The following TMED6 variants were observed in gnomAD, a reference collection of about 807,000 sequenced individuals.
The protein encoded by TMED6 is transmembrane emp24 domain-containing protein 6.
In TMED6, 17 loss-of-function variants were observed where a neutral mutation model predicts 26.5. The ratio of observed to expected loss-of-function variants is 0.64; its 90% CI spans 0.44 to 0.96. The LOEUF is 0.96. Among genes scored for constraint, TMED6 ranks in the 40% least tolerant of loss-of-function variants. TMED6 has a pLI of 0.00. For missense variants in TMED6, 309 were observed against 296.5 expected (o/e 1.04, Z -0.31); for synonymous variants, 107 against 106.2 (o/e 1.01, Z -0.04).
chr16:69,345,640 A>C (rs1019931316), intron 3 of TMED6, among the ~76,000 whole-genome samples: 1 of 136,582 alleles, frequency 7.3e-6, no homozygotes, highest in Non-Finnish European at 1.6e-5. Context: ...CCGAGATCAC[A>C]CCACTGCACT....
Position 69,349,646 on chromosome 16 carries a change from C to T in TMED6, c.219G>A (p.Gln73=), listed in dbSNP as rs1358182324. The T allele has an allele frequency of 6.2e-7, 1 of 1,613,442 alleles. No homozygotes were observed. Among genetic ancestry groups the T allele is most frequent in the East Asian group, 2.2e-5 (1 of 44,834 alleles). Residue 73 remains glutamine, a synonymous_variant, in exon 2 of 4, where the codon CAG becomes CAA. Coordinates refer to ENST00000288025, the MANE Select transcript of TMED6 (RefSeq NM_144676.4). The part of the protein sequence containing the change: ...TGYFYFSYEV[Q]RTVGMSHDRH... ...GGTCATGTGACATCCCCACTGTCCG[C>T]TGAACCTGCCAAGACACATTAAATA... is the stretch of plus-strand genomic sequence containing the variant.
chr16:69,348,038 A>G (rs1044687495), intron 2 of TMED6, 102 bp from the exon 3 acceptor site: 1 of 1,251,594 alleles, frequency 8.0e-7, no homozygotes, highest in Non-Finnish European at 1.1e-6. Context: ...CTACTACAGG[A>G]CCTTCTTTTT....
chr16:69,350,269 CAAAAAAA>C (rs532374926), intron 1 of TMED6, among the ~76,000 whole-genome samples: 2 of 70,190 alleles, frequency 2.8e-5, no homozygotes, highest in Middle Eastern at 0.01. Flanking sequence ...AACACTCTGT[CAAAAAAA>C]AAAAAAAAAA....
chr16:69,348,027 TCTA>T (rs2012713978), intron 2 of TMED6, 91 bp from the exon 3 acceptor site: 13 of 1,368,538 alleles, frequency 9.5e-6, no homozygotes, highest in Middle Eastern at 1.9e-4. Context: ...GTTTTGGAAT[TCTA>T]CTACAGGACC....
intron 1 of TMED6, 108 bp from the exon 2 acceptor site, chr16:69,349,759 G>C: frequency 7.0e-7 from 1 of 1,430,472 alleles, no homozygotes; most frequent in Non-Finnish European, 9.5e-7. Flanking sequence ...GTCTCTGTCT[G>C]GGGTGGGACT....
At chr16:69,346,646 C>T (rs749586286) in intron 3 of TMED6, among the ~76,000 whole-genome samples, 3 of 152,194 alleles carry the variant, frequency 2.0e-5, no homozygotes, top group Non-Finnish European at 4.4e-5. Flanking sequence ...TGCCTGTAAT[C>T]CCAGCTACTT....
intron 3 of TMED6, 33 bp from the exon 4 acceptor site, chr16:69,343,673 C>A: frequency 6.3e-7 from 1 of 1,580,578 alleles, no homozygotes; most frequent in South Asian, 1.1e-5. Context: ...GGGGATTCTT[C>A]CAAACCCCCA....
intron 1 of TMED6, among the ~76,000 whole-genome samples, chr16:69,350,269 CA>C (rs532374926): frequency 0.081 from 5,694 of 70,158 alleles, 386 homozygotes; most frequent in African/African-American, 0.23. Flanking sequence ...AACACTCTGT[CA>C]AAAAAAAAAA....
chr16:69,349,772 C>G, intron 1 of TMED6, 121 bp from the exon 2 acceptor site: 1 of 1,286,906 alleles, frequency 7.8e-7, no homozygotes, highest in African/African-American at 1.5e-5. Context: ...GTGGGACTGC[C>G]CAACCCCCTG....
rs371165696 is a variant in TMED6, at chr16:69,343,393, A to G, written c.*14T>C. 6.2e-7 allele frequency: 1 copy of G among 1,608,660 alleles called. No homozygotes were observed. Among genetic ancestry groups the G allele is most frequent in the Non-Finnish European group, 8.5e-7 (1 of 1,175,656 alleles). On this transcript the variant is annotated 3_prime_UTR_variant, in exon 4 of 4. Transcript: ENST00000288025. ...CCCAGAAGAAAACAGCCAGGGTGCT[A>G]TAGTCACCTTAGCTTAGCATCTTGG...
chr16:69,343,846 T>C (rs1338998410), intron 3 of TMED6, among the ~76,000 whole-genome samples: 1 of 152,258 alleles, frequency 6.6e-6, no homozygotes, highest in Non-Finnish European at 1.5e-5. Flanking sequence ...TTTTGTTTTA[T>C]GAGACAGGGT....
At chr16:69,346,805 T>A (rs2012693651) in intron 3 of TMED6, among the ~76,000 whole-genome samples, 1 of 152,108 alleles carries the variant, frequency 6.6e-6, no homozygotes, top group Non-Finnish European at 1.5e-5. Context: ...ACTGTGTGAT[T>A]CCATTTAAAT....
chr16:69,349,497 T>C, intron 2 of TMED6, 28 bp downstream of exon 2: 1 of 1,608,272 alleles, frequency 6.2e-7, no homozygotes, highest in Non-Finnish European at 8.5e-7. Context: ...CTATGATTAT[T>C]ATAATAGCCA....
intron 3 of TMED6, 61 bp from the exon 4 acceptor site, chr16:69,343,701 G>T: frequency 7.2e-7 from 1 of 1,389,788 alleles, no homozygotes; most frequent in Non-Finnish European, 1.0e-6. Context: ...TCACCTGAGC[G>T]CTCACTAGCA....
At chr16:69,348,725 T>C (rs2012729557) in intron 2 of TMED6, among the ~76,000 whole-genome samples, 1 of 152,008 alleles carries the variant, frequency 6.6e-6, no homozygotes, top group Non-Finnish European at 1.5e-5. Flanking sequence ...AGCAATTCTC[T>C]TGCCTCAGCC....
chr16:69,346,016 A>T (rs894383562), intron 3 of TMED6, among the ~76,000 whole-genome samples: 2 of 152,212 alleles, frequency 1.3e-5, no homozygotes, highest in Non-Finnish European at 2.9e-5. Flanking sequence ...CATTTCTCCA[A>T]AGAAGAGAGA....
intron 3 of TMED6, among the ~76,000 whole-genome samples, chr16:69,347,323 AC>A (rs1250500834): frequency 6.6e-6 from 1 of 152,214 alleles, no homozygotes; most frequent in African/African-American, 2.4e-5. Context: ...TAGTTTGCCA[AC>A]CCTTGGTATA....
chr16:69,347,997 C>G, intron 2 of TMED6, 61 bp from the exon 3 acceptor site: 1 of 1,565,258 alleles, frequency 6.4e-7, no homozygotes, highest in East Asian at 2.2e-5. Context: ...TAAGGATTCC[C>G]TGGAGGTATC....
At chr16:69,345,302 A>T (rs994771225) in intron 3 of TMED6, among the ~76,000 whole-genome samples, 2 of 151,882 alleles carry the variant, frequency 1.3e-5, no homozygotes, top group Non-Finnish European at 2.9e-5. Flanking sequence ...AAGTGAAAAG[A>T]CATTGCCAGA....
Sources: allele counts gnomAD v4.1 joint callset (sites outside exome capture counted in the v4.1 genomes callset), GRCh38; gene constraint gnomAD v4.1.1; transcripts MANE v1.5; gene names NCBI Gene and HGNC (gene_info 2026-07-23, HGNC 2026-07-21).